ZNF430: variants seen among roughly 807,000 people sequenced by gnomAD.
ZNF430 encodes the protein zinc finger protein 430.
ZNF430 carries 35 observed loss-of-function variants against 56.7 expected under a neutral mutation model. The ratio of observed to expected loss-of-function variants is 0.62; its 90% CI spans 0.47 to 0.82. ZNF430 has a LOEUF of 0.82. ZNF430 is among the 40% of genes least tolerant of loss of function. The probability of loss-of-function intolerance (pLI) is 0.00; values close to 1 mark genes in which losing one functional copy is unlikely to be tolerated. For missense variants in ZNF430, 574 were observed against 661.0 expected (o/e 0.87, Z 1.44); for synonymous variants, 212 against 224.3 (o/e 0.94, Z 0.49).
intron 2 of ZNF430, among the ~76,000 whole-genome samples, chr19:21,027,644 A>C (rs1462139588): frequency 6.6e-6 from 1 of 151,780 alleles, no homozygotes; most frequent in Non-Finnish European, 1.5e-5. Context: ...GAATGATGCT[A>C]TTCTTATATA....
At chr19:21,029,363 A>G (rs776494634) in intron 2 of ZNF430, among the ~76,000 whole-genome samples, 5 of 151,418 alleles carry the variant, frequency 3.3e-5, no homozygotes, top group East Asian at 3.9e-4. Flanking sequence ...TGCTAAGAAT[A>G]TATATTTATC....
rs376530250 is a variant in ZNF430, at chr19:21,058,068, A to G, written c.*47A>G. The G allele has an allele frequency of 1.6e-5, 24 of 1,533,320 alleles. No individual in the cohort carries two copies. The highest frequency in any genetic ancestry group is 7.8e-5 in the Admixed American group (4 of 51,182). 95.0% of individuals were successfully genotyped at this position (1,533,320 alleles called of 1,614,324 possible). ...CCCGTCCTGAATTCTTACTAAACAT[A>G]AGAACATTCATACTGAAGAGGAACC... On this transcript the variant is annotated 3_prime_UTR_variant, in exon 5 of 5. Coordinates refer to ENST00000261560, the MANE Select transcript of ZNF430 (RefSeq NM_025189.4).
At chr19:21,051,034 A>T (rs1246491586) in intron 4 of ZNF430, among the ~76,000 whole-genome samples, 1 of 152,206 alleles carries the variant, frequency 6.6e-6, no homozygotes, top group East Asian at 1.9e-4. Flanking sequence ...TCTGAAAAAA[A>T]TAAAATATGC....
At chr19:21,039,411 TC>T (rs933697899) in intron 4 of ZNF430, among the ~76,000 whole-genome samples, 2 of 150,146 alleles carry the variant, frequency 1.3e-5, no homozygotes, top group African/African-American at 4.9e-5. Context: ...TTTTTTTTTT[TC>T]AAATATATTA....
In ZNF430 at chr19:21,026,827, C is replaced by CTTTTTTTTTTTTTTTTTTTTTT. The variant is rs747809260; in HGVS notation, c.96+3948_96+3969dup. On this transcript the variant is annotated intron_variant, in intron 2 of 4. Coordinates refer to ENST00000261560, the MANE Select transcript of ZNF430 (RefSeq NM_025189.4). ...TTGGATGCCTTTTTTCTTTTCTTTT[C>CTTTTTTTTTTTTTTTTTTTTTT]TTTTTTTTTTTTTTTTTTTTTTTGA... Among the ~76,000 whole-genome samples the CTTTTTTTTTTTTTTTTTTTTTT allele has an allele frequency of 3.6e-4, 25 of 68,728 alleles. 4 individuals carry two copies. Among genetic ancestry groups the CTTTTTTTTTTTTTTTTTTTTTT allele is most frequent in the Admixed American group, 1.6e-3 (6 of 3,808 alleles). 45.1% of individuals were successfully genotyped at this position (68,728 alleles called of 152,430 possible).
At chr19:21,026,794 C>CTTCCTG (rs1217498742) in intron 2 of ZNF430, among the ~76,000 whole-genome samples, 1 of 126,990 alleles carries the variant, frequency 7.9e-6, no homozygotes, top group Non-Finnish European at 1.7e-5. Context: ...GACTTCCTTT[C>CTTCCTG]TTCCTGTTTG....
At chr19:21,048,802 G>A (rs1003231681) in intron 4 of ZNF430, among the ~76,000 whole-genome samples, 9 of 151,296 alleles carry the variant, frequency 5.9e-5, no homozygotes, top group South Asian at 2.1e-4. Flanking sequence ...GCGGCTGGCC[G>A]GGCGGGTGCT....
At position 21,059,806 on chromosome 19, in the gene ZNF430, G is replaced by C. The variant is rs1968439719; in HGVS notation, c.*1785G>C. On this transcript the variant is annotated 3_prime_UTR_variant, in exon 5 of 5. Transcript: ENST00000261560. ...AAACATGAGTCTTTTTTATTAGGTG[G>C]CCATTATTTATGATCTTTTCTATGA... 3.9e-5 allele frequency: 6 copies of C among 151,988 alleles called. 1 individual carries two copies. The South Asian group carries it at 1.2e-3, about 32-fold the overall frequency. 9.4% of individuals were successfully genotyped at this position (151,988 alleles called of 1,614,324 possible).
intron 4 of ZNF430, among the ~76,000 whole-genome samples, chr19:21,055,640 G>A (rs1395186167): frequency 6.6e-6 from 1 of 152,098 alleles, no homozygotes; most frequent in East Asian, 1.9e-4. Flanking sequence ...TTTTAGTAGA[G>A]ATGGAGTTTC....
chr19:21,020,798 G>C lies in ZNF430; in HGVS notation c.-3G>C. 6.2e-7 allele frequency: 1 copy of C among 1,613,906 alleles called. No individual in the cohort carries two copies. The highest frequency in any genetic ancestry group is 8.5e-7 in the Non-Finnish European group (1 of 1,179,856). On this transcript the variant is annotated 5_prime_UTR_variant, in exon 1 of 5. Coordinates refer to ENST00000261560, the MANE Select transcript of ZNF430 (RefSeq NM_025189.4). The stretch of plus-strand genomic sequence containing the variant: ...GACGCCAGGAACCCCTGGAAGCCTA[G>C]AAATGGTGAGAGTGCCGGGTCCGAC...
At chr19:21,053,081 G>A (rs1968311106) in intron 4 of ZNF430, among the ~76,000 whole-genome samples, 1 of 152,124 alleles carries the variant, frequency 6.6e-6, no homozygotes, top group Non-Finnish European at 1.5e-5. Context: ...CATCGCGACT[G>A]TTCAGGACTC....
intron 2 of ZNF430, among the ~76,000 whole-genome samples, chr19:21,024,587 G>A (rs1967757271): frequency 6.6e-6 from 1 of 151,942 alleles, no homozygotes; most frequent in Admixed American, 6.6e-5. Flanking sequence ...AGACCATCCT[G>A]GCTAACATGG....
intron 4 of ZNF430, among the ~76,000 whole-genome samples, chr19:21,052,037 G>T (rs796645001): frequency 6.6e-6 from 1 of 152,008 alleles, no homozygotes; most frequent in Non-Finnish European, 1.5e-5. Flanking sequence ...GAGCAGTATG[G>T]ACGTCTTCAA....
intron 3 of ZNF430, 51 bp downstream of exon 3, chr19:21,033,633 T>C: frequency 2.0e-6 from 3 of 1,491,734 alleles, no homozygotes; most frequent in Non-Finnish European, 2.7e-6. Flanking sequence ...AGGTTTCATT[T>C]CTCATTTTTT....
At chr19:21,038,475 T>C (rs1482057843) in intron 4 of ZNF430, among the ~76,000 whole-genome samples, 2 of 152,200 alleles carry the variant, frequency 1.3e-5, no homozygotes, top group East Asian at 3.9e-4. Context: ...TCGCCCAGGC[T>C]GGAGTGCAGT....
chr19:21,058,142 T>C lies in ZNF430; in HGVS notation c.*121T>C. On this transcript the variant is annotated 3_prime_UTR_variant, in exon 5 of 5. Coordinates refer to ENST00000261560, the MANE Select transcript of ZNF430 (RefSeq NM_025189.4). ...AAGCCTTCAACAAGTCCTCAATTCT[T>C]ACCAGACATAAGATAATTCTGGCTG... 1.1e-6 allele frequency: 1 copy of C among 939,026 alleles called. No individual in the cohort carries two copies. The highest frequency in any genetic ancestry group is 1.6e-6 in the Non-Finnish European group (1 of 639,656). 58.2% of individuals were successfully genotyped at this position (939,026 alleles called of 1,614,324 possible).
intron 2 of ZNF430, among the ~76,000 whole-genome samples, chr19:21,023,455 G>GA (rs1182918848): frequency 2.0e-5 from 3 of 151,760 alleles, no homozygotes; most frequent in Non-Finnish European, 2.9e-5. Context: ...GTGGGTTTAA[G>GA]AAAAAAAATA....
At chr19:21,028,549 C>T (rs983698224) in intron 2 of ZNF430, among the ~76,000 whole-genome samples, 11 of 152,338 alleles carry the variant, frequency 7.2e-5, no homozygotes, top group East Asian at 3.9e-4. Context: ...TAAGAACCCT[C>T]TCACAATCAC....
intron 2 of ZNF430, among the ~76,000 whole-genome samples, chr19:21,027,804 AATTCAATTTTG>A (rs1967831427): frequency 6.6e-6 from 1 of 152,012 alleles, no homozygotes; most frequent in Admixed American, 6.6e-5. Context: ...ATTTCTTACT[AATTCAATTTTG>A]GAGCTTGTTA....
Sources: allele counts gnomAD v4.1 joint callset (sites outside exome capture counted in the v4.1 genomes callset), GRCh38; gene constraint gnomAD v4.1.1; transcripts MANE v1.5; gene names NCBI Gene and HGNC (gene_info 2026-07-23, HGNC 2026-07-21).